PVT1: variants seen among roughly 807,000 people sequenced by gnomAD.
PVT1 encodes Pvt1 oncogene.
chr8:127,842,289 C>T (rs1330668164), intron 2 of PVT1, among the ~76,000 whole-genome samples: 1 of 150,614 alleles, frequency 6.6e-6, no homozygotes, highest in East Asian at 1.9e-4. Context: ...GAATTTTGCT[C>T]CATCACCCAG....
chr8:127,809,029 C>CAAAAAAAAAAAAAAAAAAAAA (rs1158760672), intron 2 of PVT1, among the ~76,000 whole-genome samples: 32 of 28,254 alleles, frequency 1.1e-3, no homozygotes, highest in African/African-American at 1.4e-3. Flanking sequence ...GATTCCATCT[C>CAAAAAAAAAAAAAAAAAAAAA]AAAAAAAAAA....
chr8:128,085,681 T>G (rs1814247163), intron 5 of PVT1, among the ~76,000 whole-genome samples: 1 of 152,222 alleles, frequency 6.6e-6, no homozygotes, highest in African/African-American at 2.4e-5. Flanking sequence ...TCATGTGTAC[T>G]AAGAAAGAAA....
intron 3 of PVT1, among the ~76,000 whole-genome samples, chr8:127,921,680 G>T (rs974779315): frequency 8.6e-5 from 13 of 151,802 alleles, no homozygotes; most frequent in Non-Finnish European, 1.9e-4. Flanking sequence ...TGGGCTTTGT[G>T]GTGCATGCCT....
chr8:127,838,114 C>T (rs1426293616), intron 2 of PVT1, among the ~76,000 whole-genome samples: 3 of 152,012 alleles, frequency 2.0e-5, no homozygotes, highest in Non-Finnish European at 4.4e-5. Context: ...TCAGGCTGGT[C>T]TCGAACTCCC....
At chr8:128,041,223 G>T (rs1036500120) in intron 4 of PVT1, among the ~76,000 whole-genome samples, 52 of 87,592 alleles carry the variant, frequency 5.9e-4, no homozygotes, top group African/African-American at 1.7e-3. Flanking sequence ...GTTTGTGTGT[G>T]TGCATGTGTG....
At chr8:128,015,054 G>GATTTATTTATTT (rs59316636) in intron 4 of PVT1, among the ~76,000 whole-genome samples, 92 of 146,084 alleles carry the variant, frequency 6.3e-4, no homozygotes, top group East Asian at 1.2e-3. Context: ...AAGAGAAATA[G>GATTTATTTATTT]ATTTATTTAT....
chr8:127,972,959 C>A (rs934016553), intron 3 of PVT1, among the ~76,000 whole-genome samples: 1 of 152,136 alleles, frequency 6.6e-6, no homozygotes, highest in African/African-American at 2.4e-5. Context: ...GGTTGGAGTG[C>A]AGTGATGTAA....
chr8:127,978,322 TA>T (rs55971128), intron 3 of PVT1, among the ~76,000 whole-genome samples: 8 of 151,498 alleles, frequency 5.3e-5, no homozygotes, highest in Admixed American at 2.0e-4. Context: ...CTGGCTAATT[TA>T]AAAAAAAATT....
chr8:128,096,041 G>A (rs1207301526), intron 5 of PVT1, among the ~76,000 whole-genome samples: 6 of 152,200 alleles, frequency 3.9e-5, no homozygotes, highest in African/African-American at 1.4e-4. Flanking sequence ...CAACAAGTAG[G>A]CTCAGAGCAC....
chr8:128,070,425 C>G (rs995254920), intron 5 of PVT1: 5 of 152,230 alleles, frequency 3.3e-5, no homozygotes, highest in African/African-American at 1.2e-4. Flanking sequence ...TCCAGAATGA[C>G]TGTACCAGTT....
chr8:127,831,878 G>A (rs750717166), intron 2 of PVT1, among the ~76,000 whole-genome samples: 1 of 152,198 alleles, frequency 6.6e-6, no homozygotes, highest in Non-Finnish European at 1.5e-5. Context: ...CTGCTCTTGC[G>A]TTCTGCTCTC....
At chr8:127,889,283 C>G (rs996213500) in intron 2 of PVT1, among the ~76,000 whole-genome samples, 1 of 151,934 alleles carries the variant, frequency 6.6e-6, no homozygotes, top group South Asian at 2.1e-4. Flanking sequence ...GCATGCACCA[C>G]CACACCCAGC....
intron 2 of PVT1, chr8:127,803,057 T>TGAG (rs1563609338): frequency 6.6e-6 from 1 of 150,666 alleles, no homozygotes; most frequent in Non-Finnish European, 1.5e-5. Flanking sequence ...GGGGCGAGGG[T>TGAG]GAGGGGCAGG....
At position 128,006,141 on chromosome 8, in the gene PVT1, AT is replaced by A. The variant is rs1171645926; in HGVS notation, n.912+16851del. On this transcript the variant is annotated intron_variant and non_coding_transcript_variant, in intron 4 of 10. Coordinates refer to ENST00000651587, the Ensembl canonical transcript of PVT1. The stretch of plus-strand genomic sequence containing the variant: ...AATAATAATAATAATAATAATAATA[AT>A]AATAATAAAAAGATAAGGGAAATTT... 5.3e-3 allele frequency among the ~76,000 whole-genome samples: 718 copies of A among 136,602 alleles called. 6 individuals carry two copies. Among genetic ancestry groups the A allele is most frequent in the African/African-American group, 0.011 (348 of 32,262 alleles). 89.6% of individuals were successfully genotyped at this position (136,602 alleles called of 152,430 possible).
In PVT1 at chr8:128,092,130, G is replaced by A. The variant is rs550142933; in HGVS notation, n.1115-4388G>A. Among the ~76,000 whole-genome samples the A allele has an allele frequency of 3.3e-5, 5 of 152,236 alleles. No homozygotes were observed. The South Asian group carries it at 1.0e-3, about 32-fold the overall frequency. On this transcript the variant is annotated intron_variant and non_coding_transcript_variant, in intron 5 of 10. Transcript: ENST00000651587. ...ACCCTCCCAGTGCAGGGGCTGGGAAGCTGCAAAGAACCCTTAGGCTCAGAA... is the reference window on the plus strand; with the variant it reads ...ACCCTCCCAGTGCAGGGGCTGGGAAACTGCAAAGAACCCTTAGGCTCAGAA...
chr8:128,086,755 G>A (rs1235523454), intron 5 of PVT1, among the ~76,000 whole-genome samples: 1 of 152,174 alleles, frequency 6.6e-6, no homozygotes, highest in African/African-American at 2.4e-5. Context: ...CAGCTCAAAT[G>A]GAACAGCTTA....
intron 2 of PVT1, among the ~76,000 whole-genome samples, chr8:127,865,715 A>G (rs1003865154): frequency 6.6e-6 from 1 of 152,246 alleles, no homozygotes; most frequent in African/African-American, 2.4e-5. Flanking sequence ...TCAGAACTGT[A>G]TCATAATAAA....
intron 3 of PVT1, among the ~76,000 whole-genome samples, chr8:127,936,591 C>G (rs1309439499): frequency 6.6e-6 from 1 of 152,148 alleles, no homozygotes; most frequent in Non-Finnish European, 1.5e-5. Flanking sequence ...CACTCCATGT[C>G]CTGGCCTTGG....
intron 2 of PVT1, among the ~76,000 whole-genome samples, chr8:127,888,578 G>A (rs963303945): frequency 6.6e-6 from 1 of 152,252 alleles, no homozygotes; most frequent in South Asian, 2.1e-4. Flanking sequence ...TCATCTGGGT[G>A]AGCCCAATAT....
Sources: allele counts gnomAD v4.1 joint callset (sites outside exome capture counted in the v4.1 genomes callset), GRCh38; gene constraint gnomAD v4.1.1; transcripts MANE v1.5; gene names NCBI Gene and HGNC (gene_info 2026-07-23, HGNC 2026-07-21).